The following PDZRN3 variants were observed in gnomAD, a reference collection of about 807,000 sequenced individuals.
PDZRN3 encodes the protein PDZ domain containing ring finger 3.
PDZRN3 carries 38 observed loss-of-function variants against 85.7 expected under a neutral mutation model. The observed-to-expected ratio is 0.44, with a 90% CI of 0.34 to 0.58. The LOEUF is 0.58. Among genes scored for constraint, PDZRN3 ranks in the 20% least tolerant of loss-of-function variants. The pLI, the probability that PDZRN3 is intolerant of heterozygous loss-of-function variation, is 0.01. For missense variants in PDZRN3, 1,629 were observed against 1,506.4 expected (o/e 1.08, Z -1.35); for synonymous variants, 759 against 638.0 (o/e 1.19, Z -2.86).
intron 3 of PDZRN3, among the ~76,000 whole-genome samples, chr3:73,571,961 T>C (rs1702052230): frequency 6.6e-6 from 1 of 152,194 alleles, no homozygotes; most frequent in Admixed American, 6.5e-5. Flanking sequence ...CCTAGGCAAT[T>C]TTGTACTTAA....
chr3:73,391,555 G>GCAAA (rs1215514746), intron 5 of PDZRN3, among the ~76,000 whole-genome samples: 2 of 152,178 alleles, frequency 1.3e-5, no homozygotes, highest in Non-Finnish European at 2.9e-5. Flanking sequence ...CATAGAACTT[G>GCAAA]CAAACAGATT....
chr3:73,409,751 A>G (rs1414656255), intron 3 of PDZRN3, among the ~76,000 whole-genome samples: 2 of 152,174 alleles, frequency 1.3e-5, no homozygotes, highest in Non-Finnish European at 2.9e-5. Flanking sequence ...ACCTTTCAAA[A>G]CACAGAGTCC....
intron 3 of PDZRN3, among the ~76,000 whole-genome samples, chr3:73,488,135 C>G (rs1703699445): frequency 6.6e-6 from 1 of 152,158 alleles, no homozygotes; most frequent in Non-Finnish European, 1.5e-5. Context: ...TGATAGCTAC[C>G]AGATGAAACC....
At chr3:73,515,456 G>T (rs888733032) in intron 3 of PDZRN3, among the ~76,000 whole-genome samples, 1 of 152,090 alleles carries the variant, frequency 6.6e-6, no homozygotes, top group Non-Finnish European at 1.5e-5. Context: ...GATTACAGGC[G>T]TGAGCCACCA....
intron 3 of PDZRN3, among the ~76,000 whole-genome samples, chr3:73,527,043 A>G (rs2106744191): frequency 6.6e-6 from 1 of 152,180 alleles, no homozygotes; most frequent in African/African-American, 2.4e-5. Flanking sequence ...AGGTGTTGCC[A>G]TGCTGGCCAG....
intron 3 of PDZRN3, among the ~76,000 whole-genome samples, chr3:73,490,615 C>T (rs1703752063): frequency 6.6e-6 from 1 of 152,120 alleles, no homozygotes; most frequent in Admixed American, 6.5e-5. Context: ...GCAATGGCAA[C>T]AAAAATGGGG....
At chr3:73,400,367 G>A (rs1701723827) in intron 5 of PDZRN3, among the ~76,000 whole-genome samples, 1 of 152,182 alleles carries the variant, frequency 6.6e-6, no homozygotes, top group Non-Finnish European at 1.5e-5. Flanking sequence ...AGACCTATTT[G>A]ACATTATGTA....
intron 2 of PDZRN3, among the ~76,000 whole-genome samples, chr3:73,603,870 AACACACACACACACATACAC>A (rs1031722617): frequency 4.0e-4 from 44 of 110,436 alleles, no homozygotes; most frequent in African/African-American, 1.3e-3. Context: ...CACTTCCCCA[AACACACACACACACATACAC>A]ACACACACAC....
intron 3 of PDZRN3, among the ~76,000 whole-genome samples, chr3:73,597,343 A>AC (rs1702444968): frequency 6.6e-6 from 1 of 152,200 alleles, no homozygotes; most frequent in Non-Finnish European, 1.5e-5. Flanking sequence ...AAAGAGAATG[A>AC]CCGGTTTACA....
chr3:73,437,450 C>A (rs1198240614), intron 3 of PDZRN3, among the ~76,000 whole-genome samples: 1 of 152,150 alleles, frequency 6.6e-6, no homozygotes, highest in Non-Finnish European at 1.5e-5. Flanking sequence ...ATGTTTTTGA[C>A]CTCACAGATC....
chr3:73,522,565 T>C (rs1230146629), intron 3 of PDZRN3, among the ~76,000 whole-genome samples: 6 of 152,152 alleles, frequency 3.9e-5, no homozygotes, highest in African/African-American at 1.2e-4. Context: ...GAGAATCAAA[T>C]ACAGTGAGTT....
At chr3:73,561,849 T>G (rs1241414438) in intron 3 of PDZRN3, among the ~76,000 whole-genome samples, 1 of 152,140 alleles carries the variant, frequency 6.6e-6, no homozygotes, top group African/African-American at 2.4e-5. Context: ...TCCTCGATTT[T>G]TACTGTGATT....
chr3:73,493,549 G>A (rs1198202951), intron 3 of PDZRN3, among the ~76,000 whole-genome samples: 1 of 152,026 alleles, frequency 6.6e-6, no homozygotes, highest in Non-Finnish European at 1.5e-5. Context: ...CAGAGAGACT[G>A]CAGACTCAAA....
intron 3 of PDZRN3, among the ~76,000 whole-genome samples, chr3:73,489,570 C>CTTTTCTTTTCTT (rs1553694886): frequency 5.8e-5 from 1 of 17,184 alleles, no homozygotes; most frequent in African/African-American, 1.9e-4. Context: ...TGGGCAGTTT[C>CTTTTCTTTTCTT]TTTTCTTTTT....
chr3:73,573,465 A>G (rs895333180), intron 3 of PDZRN3, among the ~76,000 whole-genome samples: 1 of 152,144 alleles, frequency 6.6e-6, no homozygotes, highest in Non-Finnish European at 1.5e-5. Flanking sequence ...TTGTCCCACC[A>G]CCTGTTTTAT....
At position 73,624,874 on chromosome 3, in the gene PDZRN3, C is replaced by G. The variant is rs899067851; in HGVS notation, c.-49G>C. ...GCCGCCGGGCGGCCGGGCGCCCCCT[C>G]CCTCCCCACGAGGCGGCCCAGACAG... On this transcript the variant is annotated 5_prime_UTR_variant, in exon 1 of 10. Coordinates refer to ENST00000263666, the MANE Select transcript of PDZRN3 (RefSeq NM_015009.3). The G allele has an allele frequency of 6.1e-5, 77 of 1,261,292 alleles. No homozygotes were observed. Among genetic ancestry groups the G allele is most frequent in the Admixed American group, 5.9e-4 (14 of 23,550 alleles). 78.1% of individuals were successfully genotyped at this position (1,261,292 alleles called of 1,614,324 possible). A position where few individuals can be genotyped will look rare whatever the true frequency, so the allele number is the denominator to read the frequency against.
Position 73,606,679 on chromosome 3 carries a change from T to C in PDZRN3, c.810+1919A>G, listed in dbSNP as rs182971515. 1.4e-4 allele frequency among the ~76,000 whole-genome samples: 21 copies of C among 152,356 alleles called. No individual in the cohort carries two copies. In the South Asian group the frequency reaches 2.5e-3, roughly 18 times the overall value. ...AAAGTGGGAATTATCCCTGTCCCCA[T>C]CTACCTTCATATTTACAATTTAGTC... On this transcript the variant is annotated intron_variant, in intron 2 of 9. Transcript: ENST00000263666.
chr3:73,526,541 A>G (rs1027691873), intron 3 of PDZRN3, among the ~76,000 whole-genome samples: 16 of 152,328 alleles, frequency 1.1e-4, no homozygotes, highest in Non-Finnish European at 1.8e-4. Context: ...ACAAAGTACA[A>G]TATATCTATG....
intron 1 of PDZRN3, among the ~76,000 whole-genome samples, chr3:73,622,989 G>A (rs1050430129): frequency 6.6e-6 from 1 of 152,112 alleles, no homozygotes; most frequent in Admixed American, 6.5e-5. Context: ...GCATGAAACT[G>A]CCCCTTAATG....
Sources: gnomAD v4.1 joint callset for allele counts (sites outside exome capture counted in the v4.1 genomes callset) on GRCh38, gnomAD v4.1.1 for gene constraint, MANE v1.5 for transcripts, NCBI Gene and HGNC (gene_info 2026-07-23, HGNC 2026-07-21) for gene names.